HOXD11: variants seen among roughly 807,000 people sequenced by gnomAD.
HOXD11 encodes homeobox D11.
Under a neutral mutation model 23.1 loss-of-function variants are expected in HOXD11, and 16 were observed. The observed-to-expected ratio is 0.69, with a 90% CI of 0.47 to 1.05. HOXD11 has a LOEUF of 1.05. Among genes scored for constraint, HOXD11 ranks in the 50% least tolerant of loss-of-function variants. HOXD11 has a pLI of 0.00. For synonymous variants in HOXD11, 262 were observed against 224.4 expected, an observed-to-expected ratio of 1.17 and a Z score of -1.50; for missense variants, 564 against 495.6, an observed-to-expected ratio of 1.14 and a Z score of -1.31.
At chr2:176,111,052 A>G (rs1182782476), downstream of HOXD11, among the ~76,000 whole-genome samples, 1 of 152,186 alleles carries the variant, frequency 6.6e-6, no homozygotes, top group Non-Finnish European at 1.5e-5. Context: ...TTTGAAAGCA[A>G]TTTGCCACCC....
chr2:176,115,621 T>A, the HOXD11 span, among the ~76,000 whole-genome samples: 2 of 152,250 alleles, frequency 1.3e-5, no homozygotes, highest in Admixed American at 1.3e-4. Flanking sequence ...GAGAATTTTA[T>A]TGATCGCCCT....
At chr2:176,115,005 G>A in the HOXD11 span, among the ~76,000 whole-genome samples, 1 of 152,264 alleles carries the variant, frequency 6.6e-6, no homozygotes, top group Non-Finnish European at 1.5e-5. Context: ...GCAAGTCTTT[G>A]GAAATCAAGG....
chr2:176,111,843 A>AAAAAAAAAAAAAAAAAAAAAAAAC (rs1559115548), downstream of HOXD11, among the ~76,000 whole-genome samples: 1 of 148,096 alleles, frequency 6.8e-6, no homozygotes, highest in African/African-American at 2.5e-5. Context: ...AAAAAAAAAA[A>AAAAAAAAAAAAAAAAAAAAAAAAC]AAAAAACCTT....
At position 176,107,965 on chromosome 2, in the gene HOXD11, C is replaced by T; in HGVS notation, c.610C>T (p.Pro204Ser). The T allele has an allele frequency of 7.0e-7, 1 of 1,423,908 alleles. No individual in the cohort carries two copies. Among genetic ancestry groups the T allele is most frequent in the Non-Finnish European group, 9.2e-7 (1 of 1,092,896 alleles). The allele number at this position is 1,423,908 out of a possible 1,614,324, so 88.2% of individuals were successfully genotyped here. ...CCCGCCGCCACCCGCGCCGCCACAGCCCGAGGGCGCAGCCGACAAGGGCGA... is the reference window on the plus strand; with the variant it reads ...CCCGCCGCCACCCGCGCCGCCACAGTCCGAGGGCGCAGCCGACAAGGGCGA... ...QPPPPPAPPQ[P>S]EGAADKGDPR... is the part of the protein sequence containing the mutation. Residue 204 changes from proline to serine, a missense_variant, in exon 1 of 2, where the codon CCC becomes TCC. Pro to Ser is a moderately conservative substitution (Grantham distance 74, BLOSUM62 -1). Coordinates refer to ENST00000249504, the MANE Select transcript of HOXD11 (RefSeq NM_021192.3).
In HOXD11 at chr2:176,107,697, T is replaced by C. The variant is rs1167799278; in HGVS notation, c.342T>C (p.Ala114=). The change falls in exon 1 of 2, where the codon GCT becomes GCC. Residue 114 remains alanine, a synonymous_variant. Transcript: ENST00000249504. ...APYYAAAAAA[A]AAAAAAEEAA... is the part of the protein sequence containing the mutation. ...ACTACGCGGCGGCGGCGGCGGCGGC[T>C]GCGGCGGCCGCGGCGGCCGAGGAGG... 338 of 1,008,748 alleles carry C rather than the reference T, an allele frequency of 3.4e-4. No individual in the cohort carries two copies. Among genetic ancestry groups the C allele is most frequent in the Non-Finnish European group, 3.6e-4 (302 of 847,570 alleles). 62.5% of individuals were successfully genotyped at this position (1,008,748 alleles called of 1,614,324 possible). A position where few individuals can be genotyped will look rare whatever the true frequency, so the allele number is the denominator to read the frequency against.
Position 176,107,501 on chromosome 2 carries a change from C to T in HOXD11, c.146C>T (p.Ser49Phe), listed in dbSNP as rs1210184429. ...SSCQMTFPYS[S>F]NLAPHVQPVR... ...TGCCAGATGACTTTCCCCTACTCTT[C>T]CAACCTGGCTCCGCACGTCCAGCCC... is the stretch of plus-strand genomic sequence containing the variant. The change falls in exon 1 of 2, where the codon TCC becomes TTC. Residue 49 changes from serine (S) to phenylalanine (F), a missense_variant. Physicochemically the swap from Ser to Phe is radical, Grantham distance 155. Transcript: ENST00000249504. 1.2e-6 allele frequency: 2 copies of T among 1,613,908 alleles called. No homozygotes were observed. Among genetic ancestry groups the T allele is most frequent in the East Asian group, 4.5e-5 (2 of 44,840 alleles).
rs373484117 is a variant in HOXD11, at chr2:176,107,370, C to T, written c.15C>T (p.Asp5=). MNDF[D]ECGQSAASMY... is the part of the protein sequence containing the mutation. ...GCCGCGGAGTCATGAACGACTTTGA[C>T]GAGTGCGGCCAGAGCGCAGCCAGCA... is the stretch of plus-strand genomic sequence containing the variant. The change falls in exon 1 of 2, where the codon GAC becomes GAT. Residue 5 remains aspartate (D), a synonymous_variant. Coordinates refer to ENST00000249504, the MANE Select transcript of HOXD11 (RefSeq NM_021192.3). 7.0e-5 allele frequency: 112 copies of T among 1,606,848 alleles called. 1 individual carries two copies. The highest frequency in any genetic ancestry group is 9.1e-5 in the Non-Finnish European group (107 of 1,177,152).
intron 1 of HOXD11, chr2:176,108,698 T>TGTGTGTGTGTGTGTGTG (rs1689626046): frequency 1.7e-6 from 1 of 571,688 alleles, no homozygotes; most frequent in African/African-American, 1.9e-5. Flanking sequence ...TGTGTGTGTG[T>TGTGTGTGTGTGTGTGTG]CCGGGCGTGA....
downstream of HOXD11, among the ~76,000 whole-genome samples, chr2:176,112,278 T>C (rs754093497): frequency 7.9e-5 from 12 of 152,214 alleles, no homozygotes; most frequent in Non-Finnish European, 1.3e-4. Context: ...CGTGCCCTCC[T>C]TCCTCCAGCA....
chr2:176,109,107 C>T lies in HOXD11; in HGVS notation c.982C>T (p.Arg328Cys). Residue 328 changes from arginine to cysteine, a missense_variant, in exon 2 of 2, where the codon CGT becomes TGT. Transcript: ENST00000249504. ...RMKEKKLNRD[R>C]LQYFTGNPLF Reference sequence around the variant, plus strand: ...GAAAGAAAAGAAACTGAACAGAGACCGTCTGCAGTATTTCACTGGAAACCC... The same window carrying T: ...GAAAGAAAAGAAACTGAACAGAGACTGTCTGCAGTATTTCACTGGAAACCC... 2 of 1,613,850 alleles carry T rather than the reference C, an allele frequency of 1.2e-6. No individual in the cohort carries two copies. The highest frequency in any genetic ancestry group is 2.2e-5 in the East Asian group (1 of 44,880).
downstream of HOXD11, among the ~76,000 whole-genome samples, chr2:176,114,373 G>C (rs574730246): frequency 6.6e-6 from 1 of 152,140 alleles, no homozygotes; most frequent in Non-Finnish European, 1.5e-5. Context: ...CCCCAAGCTC[G>C]AAAACAGCCA....
Position 176,107,736 on chromosome 2 carries a change from C to A in HOXD11, c.381C>A (p.Arg127=). 8.5e-7 allele frequency: 1 copy of A among 1,179,892 alleles called. No individual in the cohort carries two copies. The highest frequency in any genetic ancestry group is 1.0e-6 in the Non-Finnish European group (1 of 958,650). 73.1% of individuals were successfully genotyped at this position (1,179,892 alleles called of 1,614,324 possible). Reference sequence around the variant, plus strand: ...CGGCCGAGGAGGCGGCCATGCAACGCGAGCTTCTCCCGCCCGCGGGCCGCC... The same window carrying A: ...CGGCCGAGGAGGCGGCCATGCAACGAGAGCTTCTCCCGCCCGCGGGCCGCC... ...AAAAEEAAMQ[R]ELLPPAGRRP... Residue 127 remains arginine, a synonymous_variant, in exon 1 of 2, where the codon CGC becomes CGA. Coordinates refer to ENST00000249504, the MANE Select transcript of HOXD11 (RefSeq NM_021192.3).
chr2:176,108,934 G>A lies in HOXD11; in HGVS notation c.809G>A (p.Arg270His), dbSNP rs377313208. ...AVAPQRSRKK[R>H]CPYTKYQIRE... ...GCCCCCCAGCGGTCCCGGAAAAAGC[G>A]CTGTCCCTATACCAAGTACCAGATC... Residue 270 changes from arginine (R) to histidine (H), a missense_variant, in exon 2 of 2, where the codon CGC becomes CAC. Physicochemically the swap from Arg to His is conservative, Grantham distance 29. Coordinates refer to ENST00000249504, the MANE Select transcript of HOXD11 (RefSeq NM_021192.3). The A allele has an allele frequency of 6.2e-7, 1 of 1,613,994 alleles. No homozygotes were observed. Among genetic ancestry groups the A allele is most frequent in the Non-Finnish European group, 8.5e-7 (1 of 1,179,904 alleles).
Position 176,107,482 on chromosome 2 carries a change from A to C in HOXD11, c.127A>C (p.Met43Leu), listed in dbSNP as rs774250070. Reference sequence around the variant, plus strand: ...CCTTTCCCAACCGTCGTCCTGCCAGATGACTTTCCCCTACTCTTCCAACCT... The same window carrying C: ...CCTTTCCCAACCGTCGTCCTGCCAGCTGACTTTCCCCTACTCTTCCAACCT... ...SFLSQPSSCQMTFPYSSNLAP... is the reference protein window; with the variant it reads ...SFLSQPSSCQLTFPYSSNLAP... Residue 43 changes from methionine to leucine, a missense_variant, in exon 1 of 2, where the codon ATG (methionine) becomes CTG (leucine). Coordinates refer to ENST00000249504, the MANE Select transcript of HOXD11 (RefSeq NM_021192.3). The C allele has an allele frequency of 6.2e-7, 1 of 1,613,808 alleles. No homozygotes were observed. The highest frequency in any genetic ancestry group is 8.5e-7 in the Non-Finnish European group (1 of 1,179,908).
chr2:176,107,753 C>G lies in HOXD11; in HGVS notation c.398C>G (p.Ala133Gly). Reference sequence around the variant, plus strand: ...ATGCAACGCGAGCTTCTCCCGCCCGCGGGCCGCCGGCCGGACGTGCTCTTC... The same window carrying G: ...ATGCAACGCGAGCTTCTCCCGCCCGGGGGCCGCCGGCCGGACGTGCTCTTC... ...AAMQRELLPPAGRRPDVLFKA... is the reference protein window; with the variant it reads ...AAMQRELLPPGGRRPDVLFKA... Residue 133 changes from alanine (A) to glycine (G), a missense_variant, in exon 1 of 2, where the codon GCG (alanine) becomes GGG (glycine). Coordinates refer to ENST00000249504, the MANE Select transcript of HOXD11 (RefSeq NM_021192.3). The G allele has an allele frequency of 8.3e-7, 1 of 1,207,776 alleles. No individual in the cohort carries two copies. The highest frequency in any genetic ancestry group is 1.0e-6 in the Non-Finnish European group (1 of 976,398). 74.8% of individuals were successfully genotyped at this position (1,207,776 alleles called of 1,614,324 possible). A position where few individuals can be genotyped will look rare whatever the true frequency, so the allele number is the denominator to read the frequency against.
Position 176,109,034 on chromosome 2 carries a change from C to A in HOXD11, c.909C>A (p.Leu303=). ...KEKRLQLSRM[L]NLTDRQVKIW... ...AAAGACTTCAACTCTCTCGGATGCT[C>A]AACCTCACTGACCGGCAAGTCAAAA... The change falls in exon 2 of 2, where the codon CTC becomes CTA. Residue 303 remains leucine, a synonymous_variant. Coordinates refer to ENST00000249504, the MANE Select transcript of HOXD11 (RefSeq NM_021192.3). 6.2e-7 allele frequency: 1 copy of A among 1,614,030 alleles called. No homozygotes were observed. The highest frequency in any genetic ancestry group is 8.5e-7 in the Non-Finnish European group (1 of 1,179,858).
Position 176,109,388 on chromosome 2 carries a change from C to T in HOXD11, c.*246C>T, listed in dbSNP as rs1689644125. 2.2e-6 allele frequency: 1 copy of T among 462,376 alleles called. No homozygotes were observed. Among genetic ancestry groups the T allele is most frequent in the Non-Finnish European group, 3.9e-6 (1 of 257,134 alleles). 28.6% of individuals were successfully genotyped at this position (462,376 alleles called of 1,614,324 possible). A position where few individuals can be genotyped will look rare whatever the true frequency, so the allele number is the denominator to read the frequency against. ...ATGCAAACGTCCCGTTACAATTTTACCGCCAGTGTGCTGTCGTTCCCCCTC... is the reference window on the plus strand; with the variant it reads ...ATGCAAACGTCCCGTTACAATTTTATCGCCAGTGTGCTGTCGTTCCCCCTC... On this transcript the variant is annotated 3_prime_UTR_variant, in exon 2 of 2. Transcript: ENST00000249504.
Position 176,107,908 on chromosome 2 carries a change from G to C in HOXD11, c.553G>C (p.Ala185Pro). ...GGGCTTCGACCAGTTCTACGAGGCA[G>C]CGCCCGGGCCCCCGTTCGCCGGGCC... ...PQGFDQFYEA[A>P]PGPPFAGPQP... The change falls in exon 1 of 2, where the codon GCG (alanine) becomes CCG (proline). Residue 185 changes from alanine (A) to proline (P), a missense_variant. Physicochemically the swap from Ala to Pro is conservative, Grantham distance 27. Transcript: ENST00000249504. 7.0e-7 allele frequency: 1 copy of C among 1,436,816 alleles called. No individual in the cohort carries two copies. Among genetic ancestry groups the C allele is most frequent in the Non-Finnish European group, 9.1e-7 (1 of 1,093,656 alleles). The allele number at this position is 1,436,816 out of a possible 1,614,324, so 89.0% of individuals were successfully genotyped here.
chr2:176,108,515 G>C (rs1689621909), intron 1 of HOXD11, among the ~76,000 whole-genome samples: 1 of 151,724 alleles, frequency 6.6e-6, no homozygotes, highest in African/African-American at 2.4e-5. Flanking sequence ...TTTGATCCTT[G>C]CACTGGACTT....
Sources: gnomAD v4.1 joint callset for allele counts (sites outside exome capture counted in the v4.1 genomes callset) on GRCh38, gnomAD v4.1.1 for gene constraint, MANE v1.5 for transcripts, NCBI Gene and HGNC (gene_info 2026-07-23, HGNC 2026-07-21) for gene names.